SNX15: variants seen among roughly 807,000 people sequenced by gnomAD.
SNX15 encodes the protein sorting nexin 15, also known as sorting nexin-15.
A neutral mutation model predicts 35.2 loss-of-function variants in SNX15; 29 were observed. That is an observed-to-expected ratio of 0.82 (90% confidence interval 0.61 to 1.12). SNX15 has a LOEUF of 1.12. Among genes scored for constraint, SNX15 ranks in the 50% most tolerant of loss-of-function variants. The pLI, the probability that SNX15 is intolerant of heterozygous loss-of-function variation, is 0.00. For missense variants in SNX15, 400 were observed against 451.5 expected (o/e 0.89, Z 1.03); for synonymous variants, 189 against 188.2 (o/e 1.00, Z -0.03).
rs1225743231 is a variant in SNX15 at position 65,038,732 on chromosome 11, C to T, written c.825C>T (p.Leu275=). 3 of 1,604,714 alleles carry T rather than the reference C, an allele frequency of 1.9e-6. No homozygotes were observed. The highest frequency in any genetic ancestry group is 1.7e-5 in the Admixed American group (1 of 57,560). ...TPAYLSQATE[L]ITQALRDEKA... is the part of the protein sequence containing the mutation. Reference sequence around the variant, plus strand: ...CCTACCTAAGCCAGGCCACAGAGCTCATCACCCAGGCCCTGCGGGATGAGA... The same window carrying T: ...CCTACCTAAGCCAGGCCACAGAGCTTATCACCCAGGCCCTGCGGGATGAGA... Residue 275 remains leucine (L), a synonymous_variant, in exon 7 of 8, where the codon CTC becomes CTT. Transcript: ENST00000377244.
intron 1 of SNX15, among the ~76,000 whole-genome samples, chr11:65,027,968 C>T (rs917738977): frequency 7.2e-5 from 11 of 152,192 alleles, no homozygotes; most frequent in African/African-American, 2.7e-4. Flanking sequence ...AATATTAGTA[C>T]TCCATTCTCG....
chr11:65,029,443 A>G (rs1946415989), intron 1 of SNX15, among the ~76,000 whole-genome samples: 1 of 151,486 alleles, frequency 6.6e-6, no homozygotes, highest in Non-Finnish European at 1.5e-5. Context: ...GGTGTGAGCC[A>G]CCACACCCGG....
chr11:65,038,588 C>A lies in SNX15; in HGVS notation c.681C>A (p.Ser227Arg). 1.3e-6 allele frequency: 2 copies of A among 1,568,026 alleles called. No homozygotes were observed. Among genetic ancestry groups the A allele is most frequent in the Admixed American group, 1.8e-5 (1 of 54,130 alleles). ...TAACTGCAGAAGGCGCAGCCCCCAG[C>A]CCCACCCATGTGGCTGAGCTGGCAA... ...PFSKEEGAAP[S>R]PTHVAELATM... The change falls in exon 7 of 8, where the codon AGC (serine) becomes AGA (arginine). Residue 227 changes from serine (S) to arginine (R), a missense_variant. Transcript: ENST00000377244.
At chr11:65,027,731 A>G (rs1946389704) in intron 1 of SNX15, 95 bp downstream of exon 1, 1 of 903,002 alleles carries the variant, frequency 1.1e-6, no homozygotes, top group Non-Finnish European at 1.8e-6. Context: ...CTCCCTTTTT[A>G]GACGACAGAA....
At position 65,039,818 on chromosome 11, in the gene SNX15, T is replaced by TCCTGCACTGC; in HGVS notation, c.*27_*28insCTGCACTGCC. Reference sequence around the variant, plus strand: ...CAGGGAGTGGGCCATTCCCTGGGACTCTCGCTCCTGCACTGCCAGCCCCTT... The same window carrying TCCTGCACTGC: ...CAGGGAGTGGGCCATTCCCTGGGACTCCTGCACTGCCTCGCTCCTGCACTGCCAGCCCCTT... On this transcript the variant is annotated 3_prime_UTR_variant, in exon 8 of 8. Coordinates refer to ENST00000377244, the MANE Select transcript of SNX15 (RefSeq NM_013306.5). 6.6e-7 allele frequency: 1 copy of TCCTGCACTGC among 1,512,392 alleles called. No individual in the cohort carries two copies. The highest frequency in any genetic ancestry group is 9.1e-7 in the Non-Finnish European group (1 of 1,095,628). The allele number at this position is 1,512,392 out of a possible 1,614,324, so 93.7% of individuals were successfully genotyped here.
rs1590745018 is a variant in SNX15, at chr11:65,039,992, A to C, written c.*200A>C. 2.5e-5 allele frequency: 12 copies of C among 484,338 alleles called. No individual in the cohort carries two copies. The highest frequency in any genetic ancestry group is 9.8e-5 in the South Asian group (3 of 30,546). 30.0% of individuals were successfully genotyped at this position (484,338 alleles called of 1,614,324 possible). ...TTGGAATCAAGGACTCACACTTCTG[A>C]CCCTGCCTGTCTTTTTGGGGTTTTT... On this transcript the variant is annotated 3_prime_UTR_variant, in exon 8 of 8. Coordinates refer to ENST00000377244, the MANE Select transcript of SNX15 (RefSeq NM_013306.5).
At chr11:65,035,269 C>A in intron 5 of SNX15, 63 bp downstream of exon 5, 1 of 1,434,992 alleles carries the variant, frequency 7.0e-7, no homozygotes, top group South Asian at 1.4e-5. Context: ...GGCGGCCACA[C>A]TCCCTCCTCA....
chr11:65,034,432 G>A lies in SNX15; in HGVS notation c.257-415G>A, dbSNP rs573495287. Among the ~76,000 whole-genome samples the A allele has an allele frequency of 1.7e-4, 26 of 152,182 alleles. No homozygotes were observed. In the East Asian group the frequency reaches 4.0e-3, roughly 24 times the overall value. On this transcript the variant is annotated intron_variant, in intron 3 of 7. Transcript: ENST00000377244. ...CCAGTCCTTTTCTCAAAAAATAAAC[G>A]GGGGCTCCTTGCTTTGTGACCTTGG...
Position 65,028,371 on chromosome 11 carries a change from T to C in SNX15, c.99+735T>C, listed in dbSNP as rs188805577. ...TTTTTACTGTAAATTTTTTGTACTT[T>C]TAGAATTTTCAACCAGGCGACTATT... On this transcript the variant is annotated intron_variant, in intron 1 of 7. Coordinates refer to ENST00000377244, the MANE Select transcript of SNX15 (RefSeq NM_013306.5). Among the ~76,000 whole-genome samples, 11 of 152,282 alleles carry C rather than the reference T, an allele frequency of 7.2e-5. No individual in the cohort carries two copies. The East Asian group carries it at 2.1e-3, about 29-fold the overall frequency.
chr11:65,032,256 TGTC>T (rs1946447689), intron 2 of SNX15, 53 bp downstream of exon 2: 1 of 1,594,946 alleles, frequency 6.3e-7, no homozygotes, highest in African/African-American at 1.3e-5. Context: ...ATCTGGAAAC[TGTC>T]AAGGGGCAGC....
At chr11:65,032,325 T>A (rs1946448751) in intron 2 of SNX15, 106 bp from the exon 3 acceptor site, 2 of 1,587,586 alleles carry the variant, frequency 1.3e-6, no homozygotes, top group Non-Finnish European at 1.7e-6. Flanking sequence ...GGCGAGGGGC[T>A]GCTGCAGCTG....
chr11:65,028,627 G>A (rs578232520), intron 1 of SNX15, among the ~76,000 whole-genome samples: 3 of 144,008 alleles, frequency 2.1e-5, no homozygotes, highest in South Asian at 4.4e-4. Context: ...AGCTCAAGAC[G>A]AGCCTGGGCA....
intron 6 of SNX15, chr11:65,037,333 C>T (rs1163448459): frequency 6.6e-6 from 1 of 152,280 alleles, no homozygotes; most frequent in African/African-American, 2.4e-5. Flanking sequence ...CCCACCTCAG[C>T]CTCCCAAATA....
intron 7 of SNX15, among the ~76,000 whole-genome samples, 200 bp downstream of exon 7, chr11:65,039,029 C>CTT (rs747153458): frequency 0.031 from 2,212 of 72,494 alleles, 231 homozygotes; most frequent in African/African-American, 0.093. Flanking sequence ...TCTTCTTCCT[C>CTT]TTTTTTTTTT....
rs1187775658 is a variant in SNX15, at chr11:65,030,701, G to T, written c.100-1467G>T. ...TTTAGTAGAGACAGGATTTCACCAT[G>T]TTGGTTGGCCAGGCTGGTCTCGAAC... On this transcript the variant is annotated intron_variant, in intron 1 of 7. Transcript: ENST00000377244. Among the ~76,000 whole-genome samples, 4 of 150,422 alleles carry T rather than the reference G, an allele frequency of 2.7e-5. No homozygotes were observed. The East Asian group carries it at 8.1e-4, about 30-fold the overall frequency.
chr11:65,029,184 A>G (rs961658085), intron 1 of SNX15, among the ~76,000 whole-genome samples: 26 of 152,046 alleles, frequency 1.7e-4, no homozygotes, highest in African/African-American at 3.6e-4. Flanking sequence ...TTTTTGAGAC[A>G]GAGTCTCACT....
At chr11:65,039,114 C>G (rs1946542575) in intron 7 of SNX15, among the ~76,000 whole-genome samples, 1 of 147,220 alleles carries the variant, frequency 6.8e-6, no homozygotes, top group Non-Finnish European at 1.5e-5. Context: ...ACCTCCGCCC[C>G]CCAGGTTCAA....
At chr11:65,032,370 G>A in intron 2 of SNX15, 61 bp from the exon 3 acceptor site, 1 of 1,612,480 alleles carries the variant, frequency 6.2e-7, no homozygotes, top group South Asian at 1.1e-5. Context: ...GGGCAGGCTA[G>A]GCATGGGGGC....
intron 1 of SNX15, among the ~76,000 whole-genome samples, chr11:65,030,754 C>T (rs1208853843): frequency 1.3e-5 from 2 of 152,068 alleles, no homozygotes; most frequent in Non-Finnish European, 2.9e-5. Flanking sequence ...TCTCCCACCT[C>T]GGCCTCCCAA....
Sources: allele counts gnomAD v4.1 joint callset (sites outside exome capture counted in the v4.1 genomes callset), GRCh38; gene constraint gnomAD v4.1.1; transcripts MANE v1.5; gene names NCBI Gene and HGNC (gene_info 2026-07-23, HGNC 2026-07-21).